MYLK: variants seen among roughly 807,000 people sequenced by gnomAD.
MYLK encodes myosin light chain kinase, smooth muscle.
In MYLK, 106 loss-of-function variants were observed where a neutral mutation model predicts 203.4. That is an observed-to-expected ratio of 0.52 (90% CI 0.45 to 0.61). The LOEUF is 0.61. MYLK is among the 20% of genes least tolerant of loss of function. The pLI is 0.00. For synonymous variants in MYLK, 867 were observed against 959.5 expected (o/e 0.90, Z 1.78); for missense variants, 2,072 against 2,442.3 (o/e 0.85, Z 3.20).
chr3:123,708,025 A>G, intron 15 of MYLK, 22 bp from the exon 16 acceptor site: 1 of 1,613,766 alleles, frequency 6.2e-7, no homozygotes, highest in Non-Finnish European at 8.5e-7. Context: ...CAAAGGGCAG[A>G]GCTAAACAGG....
chr3:123,839,711 G>A (rs1223396470), intron 2 of MYLK, among the ~76,000 whole-genome samples: 3 of 152,266 alleles, frequency 2.0e-5, no homozygotes, highest in African/African-American at 7.2e-5. Flanking sequence ...CAACTTGACT[G>A]AATTGACACT....
At chr3:123,667,611 A>G (rs913030947) in intron 20 of MYLK, among the ~76,000 whole-genome samples, 16 of 152,018 alleles carry the variant, frequency 1.1e-4, no homozygotes, top group African/African-American at 3.6e-4. Context: ...CTCAAAAAAA[A>G]AAAAAGAAAA....
chr3:123,766,887 A>G (rs1000850300), intron 4 of MYLK, among the ~76,000 whole-genome samples: 2 of 152,230 alleles, frequency 1.3e-5, no homozygotes, highest in Admixed American at 6.5e-5. Context: ...CATTGTGAGC[A>G]AACCTTGCCT....
intron 24 of MYLK, among the ~76,000 whole-genome samples, chr3:123,653,372 A>C (rs2059281904): frequency 6.6e-6 from 1 of 152,086 alleles, no homozygotes; most frequent in Admixed American, 6.5e-5. Flanking sequence ...TTTTGCCTGG[A>C]ATCCCCTCAA....
At chr3:123,691,562 C>T (rs960171720) in intron 19 of MYLK, 2 of 152,224 alleles carry the variant, frequency 1.3e-5, no homozygotes, top group African/African-American at 4.8e-5. Flanking sequence ...CTCTCCCATT[C>T]ATCATGTTCC....
At chr3:123,738,507 T>A (rs540135775) in intron 7 of MYLK, among the ~76,000 whole-genome samples, 3 of 152,138 alleles carry the variant, frequency 2.0e-5, no homozygotes, top group African/African-American at 7.2e-5. Flanking sequence ...GGCTATGATA[T>A]GGTTTGGCTG....
intron 3 of MYLK, among the ~76,000 whole-genome samples, chr3:123,813,215 AG>A (rs1271464766): frequency 6.6e-6 from 1 of 152,240 alleles, no homozygotes; most frequent in Non-Finnish European, 1.5e-5. Flanking sequence ...GGTTGCAAAT[AG>A]GGGAAGGTTC....
chr3:123,860,576 T>G (rs1483892460), intron 2 of MYLK, among the ~76,000 whole-genome samples: 1 of 152,080 alleles, frequency 6.6e-6, no homozygotes, highest in East Asian at 1.9e-4. Flanking sequence ...GGAAAAGAAT[T>G]CCAGCTGCTT....
chr3:123,767,292 C>CTCATTCT (rs1290525525), intron 4 of MYLK, among the ~76,000 whole-genome samples: 1 of 152,200 alleles, frequency 6.6e-6, no homozygotes, highest in Non-Finnish European at 1.5e-5. Context: ...CGCAGCGCAA[C>CTCATTCT]TCATTCTTCG....
Position 123,647,325 on chromosome 3 carries a change from G to A in MYLK, c.4518C>T (p.Ile1506=), listed in dbSNP as rs1306332940. The change falls in exon 27 of 34, where the codon ATC becomes ATT. Residue 1506 remains isoleucine, a synonymous_variant. Coordinates refer to ENST00000360304, the MANE Select transcript of MYLK (RefSeq NM_053025.4). ...KAYSAKEKEN[I]RQEISIMNCL... ...AGTTCATGATGCTAATCTCCTGCCG[G>A]ATATTCTCTTTCTCTTTTGCTGAAT... 8 of 1,614,216 alleles carry A rather than the reference G, an allele frequency of 5.0e-6. No homozygotes were observed. Among genetic ancestry groups the A allele is most frequent in the Non-Finnish European group, 3.4e-6 (4 of 1,180,022 alleles).
chr3:123,880,875 T>C (rs2033488426), intron 1 of MYLK, among the ~76,000 whole-genome samples: 1 of 152,168 alleles, frequency 6.6e-6, no homozygotes, highest in Admixed American at 6.5e-5. Flanking sequence ...TCATGGGGGC[T>C]GCAGCCCTCA....
Position 123,878,046 on chromosome 3 carries a change from C to T in MYLK, c.-185-1429G>A, listed in dbSNP as rs890727778. Among the ~76,000 whole-genome samples the T allele has an allele frequency of 5.3e-5, 8 of 152,182 alleles. No individual in the cohort carries two copies. In the South Asian group the frequency reaches 1.7e-3, roughly 32 times the overall value. On this transcript the variant is annotated intron_variant, in intron 1 of 33. Transcript: ENST00000360304. ...CCCTTAGAATCTTCTCTGAGCACCT[C>T]CATTTACCCCATTAGCCAGTCCTTC...
intron 4 of MYLK, among the ~76,000 whole-genome samples, chr3:123,792,616 T>C (rs2064823537): frequency 6.6e-6 from 1 of 152,234 alleles, no homozygotes; most frequent in Admixed American, 6.5e-5. Context: ...CATGAGTCAG[T>C]ACTTCATTCC....
intron 2 of MYLK, among the ~76,000 whole-genome samples, chr3:123,846,137 G>C (rs1360110011): frequency 6.6e-6 from 1 of 152,160 alleles, no homozygotes; most frequent in Non-Finnish European, 1.5e-5. Context: ...CGACAAAACG[G>C]ATTCTTGATT....
intron 4 of MYLK, among the ~76,000 whole-genome samples, chr3:123,753,870 C>T (rs949357258): frequency 1.3e-5 from 2 of 152,174 alleles, no homozygotes; most frequent in Admixed American, 6.5e-5. Flanking sequence ...CATGTATTCA[C>T]TTCAAGGAAA....
chr3:123,653,857 C>T (rs2059298190), intron 24 of MYLK, among the ~76,000 whole-genome samples: 1 of 152,212 alleles, frequency 6.6e-6, no homozygotes, highest in Non-Finnish European at 1.5e-5. Context: ...TGAACATCTT[C>T]ACACTGCAAT....
intron 11 of MYLK, among the ~76,000 whole-genome samples, chr3:123,728,663 C>G (rs1476718998): frequency 6.6e-6 from 1 of 152,182 alleles, no homozygotes; most frequent in East Asian, 1.9e-4. Context: ...CTTTTTCACT[C>G]TTGTGCCCCT....
At chr3:123,656,198 A>T (rs1243367610) in intron 24 of MYLK, among the ~76,000 whole-genome samples, 1 of 152,086 alleles carries the variant, frequency 6.6e-6, no homozygotes, top group African/African-American at 2.4e-5. Context: ...GGAGTGGATC[A>T]TTTTCAGTCA....
chr3:123,685,241 T>C (rs558256056), intron 19 of MYLK, among the ~76,000 whole-genome samples: 25 of 152,346 alleles, frequency 1.6e-4, no homozygotes, highest in African/African-American at 5.8e-4. Context: ...CTCTACCTCA[T>C]GGTGTTTTGA....
Sources: allele counts gnomAD v4.1 joint callset (sites outside exome capture counted in the v4.1 genomes callset), GRCh38; gene constraint gnomAD v4.1.1; transcripts MANE v1.5; gene names NCBI Gene and HGNC (gene_info 2026-07-23, HGNC 2026-07-21).